PRKCD: variants seen among roughly 807,000 people sequenced by gnomAD.
PRKCD encodes protein kinase C delta type.
In PRKCD, 20 loss-of-function variants were observed where a neutral mutation model predicts 82.2. The observed-to-expected ratio is 0.24, with a 90% CI of 0.17 to 0.35. The LOEUF is 0.35. Ranked by LOEUF, PRKCD falls within the 10% of genes least tolerant of loss-of-function variation. PRKCD has a pLI of 1.00. For missense variants in PRKCD, 607 were observed against 899.0 expected (o/e 0.68, Z 4.15); for synonymous variants, 317 against 337.0 (o/e 0.94, Z 0.65).
In PRKCD at chr3:53,192,098, C is replaced by G; in HGVS notation, c.1873-10C>G. ...GGTCCTGTTCGCTCACCCCTGCCCTCTGCTTGTAGAAGTCACCCAGAGACT... is the reference window on the plus strand; with the variant it reads ...GGTCCTGTTCGCTCACCCCTGCCCTGTGCTTGTAGAAGTCACCCAGAGACT... On this transcript the variant is annotated splice_polypyrimidine_tract_variant and intron_variant, in intron 18 of 18. Transcript: ENST00000330452. 1 of 1,614,018 alleles carries G rather than the reference C, an allele frequency of 6.2e-7. No homozygotes were observed. Among genetic ancestry groups the G allele is most frequent in the Non-Finnish European group, 8.5e-7 (1 of 1,179,960 alleles).
At chr3:53,191,689 A>G (rs1200562687) in intron 18 of PRKCD, among the ~76,000 whole-genome samples, 1 of 152,230 alleles carries the variant, frequency 6.6e-6, no homozygotes, top group Non-Finnish European at 1.5e-5. Flanking sequence ...TGTGTATTAC[A>G]AAAGCTTTAT....
chr3:53,189,208 C>G lies in PRKCD; in HGVS notation c.1705C>G (p.Arg569Gly), dbSNP rs141992569. 10 of 1,612,454 alleles carry G rather than the reference C, an allele frequency of 6.2e-6. No individual in the cohort carries two copies. In the South Asian group the frequency reaches 6.6e-5, roughly 11 times the overall value. The change falls in exon 17 of 19, where the codon CGC becomes GGC. Residue 569 changes from arginine to glycine, a missense_variant. By Grantham distance (125) the Arg-to-Gly change is moderately radical. Around this residue, in one of 5 missense-constraint regions of PRKCD, gnomAD observed 251 missense variants for 423.9 expected, o/e 0.59. Transcript: ENST00000330452. ...SIRVDTPHYP[R>G]WITKESKDIL... Reference sequence around the variant, plus strand: ...CCGTGTGGACACGCCACATTATCCCCGCTGGATCACCAAGGAGTCCAAGGA... The same window carrying G: ...CCGTGTGGACACGCCACATTATCCCGGCTGGATCACCAAGGAGTCCAAGGA...
chr3:53,185,028 C>T (rs1703621244), intron 10 of PRKCD, 54 bp downstream of exon 10: 4 of 1,498,974 alleles, frequency 2.7e-6, no homozygotes, highest in Non-Finnish European at 2.8e-6. Context: ...CAGGGACAGT[C>T]AAGGCTTACA....
chr3:53,177,112 G>A (rs773834097), intron 2 of PRKCD, among the ~76,000 whole-genome samples: 3 of 152,120 alleles, frequency 2.0e-5, no homozygotes, highest in Non-Finnish European at 4.4e-5. Flanking sequence ...TTACAGGCAT[G>A]AGCCACCGCG....
intron 2 of PRKCD, among the ~76,000 whole-genome samples, chr3:53,168,020 G>T (rs934113776): frequency 6.6e-6 from 1 of 152,264 alleles, no homozygotes; most frequent in African/African-American, 2.4e-5. Context: ...TGGATGCAGG[G>T]AGGGGAAAGG....
rs369306770 is a variant in PRKCD at position 53,179,638 on chromosome 3, C to T, written c.177C>T (p.Phe59=). The change falls in exon 4 of 19, where the codon TTC becomes TTT. Residue 59 remains phenylalanine, a synonymous_variant. Coordinates refer to ENST00000330452, the MANE Select transcript of PRKCD (RefSeq NM_006254.4). ...PTMYPEWKST[F]DAHIYEGRVI... ...TGTATCCTGAGTGGAAGTCGACGTT[C>T]GATGCCCACATCTATGAGGGGCGCG... is the stretch of plus-strand genomic sequence containing the variant. 54 of 1,613,982 alleles carry T rather than the reference C, an allele frequency of 3.3e-5. No homozygotes were observed. Among genetic ancestry groups the T allele is most frequent in the Middle Eastern group, 1.6e-4 (1 of 6,084 alleles).
At chr3:53,191,270 C>T (rs1401947662) in intron 18 of PRKCD, among the ~76,000 whole-genome samples, 3 of 151,960 alleles carry the variant, frequency 2.0e-5, no homozygotes, top group South Asian at 2.1e-4. Flanking sequence ...TAGCCGGGTA[C>T]GGTGGTGCAC....
At chr3:53,182,119 G>A (rs1271330448) in intron 7 of PRKCD, 1 of 395,670 alleles carries the variant, frequency 2.5e-6, no homozygotes, top group Non-Finnish European at 5.0e-6. Context: ...GAGTACACAG[G>A]TGTGAGCACA....
chr3:53,191,566 G>A (rs75032784), intron 18 of PRKCD, among the ~76,000 whole-genome samples: 1,832 of 152,300 alleles, frequency 0.012, 40 homozygotes, highest in African/African-American at 0.042. Context: ...ATCCTCAGGA[G>A]CAGAGAATCA....
intron 15 of PRKCD, among the ~76,000 whole-genome samples, chr3:53,187,751 C>T (rs1218684481): frequency 6.6e-6 from 1 of 152,176 alleles, no homozygotes; most frequent in African/African-American, 2.4e-5. Flanking sequence ...ATGATTCCAT[C>T]CTATGGTGGG....
At chr3:53,190,871 T>G (rs1255236164) in intron 18 of PRKCD, among the ~76,000 whole-genome samples, 1 of 152,214 alleles carries the variant, frequency 6.6e-6, no homozygotes, top group Admixed American at 6.5e-5. Flanking sequence ...AGCATGTAAC[T>G]GACAGGCTAG....
chr3:53,164,095 A>G (rs2107215650), intron 1 of PRKCD, among the ~76,000 whole-genome samples: 1 of 152,336 alleles, frequency 6.6e-6, no homozygotes, highest in African/African-American at 2.4e-5. Context: ...TCTGGGGAGC[A>G]GAATCTTTCT....
Position 53,181,574 on chromosome 3 carries a change from C to T in PRKCD, c.507C>T (p.Pro169=). The T allele has an allele frequency of 6.2e-7, 1 of 1,614,246 alleles. No homozygotes were observed. Among genetic ancestry groups the T allele is most frequent in the Non-Finnish European group, 8.5e-7 (1 of 1,180,040 alleles). The change falls in exon 6 of 19, where the codon CCC becomes CCT. Residue 169 remains proline, a synonymous_variant. Coordinates refer to ENST00000330452, the MANE Select transcript of PRKCD (RefSeq NM_006254.4). ...TTATCGCCACCTTCTTTGGGCAACC[C>T]ACCTTCTGTTCTGTGTGCAAAGACT... ...HEFIATFFGQ[P]TFCSVCKDFV...
At chr3:53,191,774 C>T (rs144281412) in intron 18 of PRKCD, among the ~76,000 whole-genome samples, 1 of 152,230 alleles carries the variant, frequency 6.6e-6, no homozygotes, top group East Asian at 1.9e-4. Flanking sequence ...TTTTTCCAAC[C>T]ATTTAAAAAT....
At chr3:53,165,430 GC>G (rs1291522314) in intron 2 of PRKCD, among the ~76,000 whole-genome samples, 13 of 152,226 alleles carry the variant, frequency 8.5e-5, no homozygotes, top group African/African-American at 3.1e-4. Context: ...CCTGGCTGTG[GC>G]CCCAGAATGC....
At position 53,188,886 on chromosome 3, in the gene PRKCD, C is replaced by T. The variant is rs1468832346; in HGVS notation, c.1554+28C>T. ...GAGCCGATACCCTTCCAGCCCCCCG[C>T]TCAGTCAGGCACCTTGCCTCCCCAC... On this transcript the variant is annotated intron_variant, in intron 16 of 18. Coordinates refer to ENST00000330452, the MANE Select transcript of PRKCD (RefSeq NM_006254.4). 1.9e-6 allele frequency: 3 copies of T among 1,612,368 alleles called. No individual in the cohort carries two copies. In the African/African-American group the frequency reaches 4.0e-5, roughly 22 times the overall value.
chr3:53,181,661 G>C, intron 6 of PRKCD, 40 bp from the exon 7 acceptor site: 1 of 1,612,500 alleles, frequency 6.2e-7, no homozygotes, highest in Non-Finnish European at 8.5e-7. Flanking sequence ...GGCCGATCCC[G>C]GTCCCCGCTC....
rs781914241 is a variant in PRKCD, at chr3:53,192,192, G to A, written c.1957G>A (p.Asp653Asn). The change falls in exon 19 of 19, where the codon GAC (aspartate) becomes AAC (asparagine). Residue 653 changes from aspartate to asparagine, a missense_variant. Transcript: ENST00000330452. ...CTCCTACAGCGACAAGAACCTCATC[G>A]ACTCCATGGACCAGTCTGCATTCGC... Reference protein sequence around the residue: ...RLSYSDKNLIDSMDQSAFAGF... With the variant: ...RLSYSDKNLINSMDQSAFAGF... The A allele has an allele frequency of 1.1e-5, 17 of 1,614,044 alleles. No homozygotes were observed. Among genetic ancestry groups the A allele is most frequent in the Middle Eastern group, 3.3e-4 (2 of 6,062 alleles).
Position 53,179,737 on chromosome 3 carries a change from C to T in PRKCD, c.276C>T (p.Ala92=), listed in dbSNP as rs782352450. 36 of 1,588,170 alleles carry T rather than the reference C, an allele frequency of 2.3e-5. No individual in the cohort carries two copies. The South Asian group carries it at 2.6e-4, about 11-fold the overall frequency. Residue 92 remains alanine (A), a synonymous_variant, in exon 4 of 19, where the codon GCC becomes GCT. Transcript: ENST00000330452. The part of the protein sequence containing the change: ...SEVTVGVSVL[A]ERCKKNNGKA... ...TGACCGTGGGTGTGTCGGTGCTGGCCGAGCGCTGCAAGAAGAACAATGGCA... is the reference window on the plus strand; with the variant it reads ...TGACCGTGGGTGTGTCGGTGCTGGCTGAGCGCTGCAAGAAGAACAATGGCA...
Sources: allele counts gnomAD v4.1 joint callset (sites outside exome capture counted in the v4.1 genomes callset), GRCh38; gene constraint gnomAD v4.1.1; regional missense constraint gnomAD v4.1.1; transcripts MANE v1.5; gene names NCBI Gene and HGNC (gene_info 2026-07-23, HGNC 2026-07-21).